Variants in ARL5B observed in about 807,000 individuals in gnomAD.
The protein encoded by ARL5B is ARF like GTPase 5B.
A neutral mutation model predicts 26.9 loss-of-function variants in ARL5B; 10 were observed. The observed-to-expected ratio is 0.37, with a 90% CI of 0.23 to 0.63. The LOEUF (loss-of-function observed/expected upper bound fraction) is 0.63, where lower values mean the gene tolerates loss of function less well. Among genes scored for constraint, ARL5B ranks in the 30% least tolerant of loss-of-function variants. The probability of loss-of-function intolerance (pLI) is 0.62; values close to 1 mark genes in which losing one functional copy is unlikely to be tolerated. For synonymous variants in ARL5B, 87 were observed against 70.4 expected (o/e 1.24, Z -1.18); for missense variants, 167 against 213.9 (o/e 0.78, Z 1.37).
chr10:18,665,958 C>T (rs2059859560), intron 1 of ARL5B, among the ~76,000 whole-genome samples: 2 of 152,262 alleles, frequency 1.3e-5, no homozygotes, highest in South Asian at 2.1e-4. Flanking sequence ...AAGAGATTTT[C>T]ATTGTACAAA....
chr10:18,680,732 T>C lies in ARL5B; in HGVS notation c.*5516T>C. 1 of 152,116 alleles carries C rather than the reference T, an allele frequency of 6.6e-6. No individual in the cohort carries two copies. The highest frequency in any genetic ancestry group is 1.9e-4 in the East Asian group (1 of 5,200). The allele number at this position is 152,116 out of a possible 1,614,324, so 9.4% of individuals were successfully genotyped here. A position where few individuals can be genotyped will look rare whatever the true frequency, so the allele number is the denominator to read the frequency against. ...ATAAAACGGTCATGATTTTTTTCAA[T>C]TACAGAATAGTTACAAATTTTACCA... is the stretch of plus-strand genomic sequence containing the variant. On this transcript the variant is annotated 3_prime_UTR_variant, in exon 6 of 6. Transcript: ENST00000377275.
intron 5 of ARL5B, among the ~76,000 whole-genome samples, chr10:18,674,683 T>G (rs1234821424): frequency 6.6e-6 from 1 of 152,218 alleles, no homozygotes; most frequent in Non-Finnish European, 1.5e-5. Context: ...ATTATCCTGT[T>G]TATATCAGAG....
At chr10:18,668,148 A>G (rs533717633) in intron 2 of ARL5B, among the ~76,000 whole-genome samples, 2 of 152,300 alleles carry the variant, frequency 1.3e-5, no homozygotes, top group East Asian at 3.9e-4. Flanking sequence ...CTGCTATCCA[A>G]TATTTGCTAT....
At chr10:18,663,694 G>A (rs1006489358) in intron 1 of ARL5B, among the ~76,000 whole-genome samples, 7 of 150,258 alleles carry the variant, frequency 4.7e-5, no homozygotes, top group Non-Finnish European at 1.0e-4. Context: ...GACTACAGGT[G>A]TCTGCCACCA....
At chr10:18,661,404 C>T (rs1012679734) in intron 1 of ARL5B, among the ~76,000 whole-genome samples, 3 of 152,094 alleles carry the variant, frequency 2.0e-5, no homozygotes, top group African/African-American at 7.2e-5. Flanking sequence ...GAAAGACATC[C>T]AGTGGCTACT....
At chr10:18,669,001 C>G (rs1297403795) in intron 3 of ARL5B, among the ~76,000 whole-genome samples, 1 of 152,080 alleles carries the variant, frequency 6.6e-6, no homozygotes, top group Admixed American at 6.6e-5. Flanking sequence ...GAATTCGGGA[C>G]CTCGTGATCC....
In ARL5B at chr10:18,674,089, G is replaced by A. The variant is rs777024389; in HGVS notation, c.445G>A (p.Asp149Asn). 4 of 1,613,038 alleles carry A rather than the reference G, an allele frequency of 2.5e-6. No individual in the cohort carries two copies. The highest frequency in any genetic ancestry group is 3.4e-6 in the Non-Finnish European group (4 of 1,179,470). The change falls in exon 5 of 6, where the codon GAT becomes AAT. Residue 149 changes from aspartate (D) to asparagine (N), a missense_variant. Transcript: ENST00000377275. ...ATACCTCACCCTTAGTTCAATTAAG[G>A]ATCATCCATGGCACATTCAATCCTG... ...SKYLTLSSIKDHPWHIQSCCA... is the reference protein window; with the variant it reads ...SKYLTLSSIKNHPWHIQSCCA...
chr10:18,666,673 A>G (rs530998092), intron 2 of ARL5B, 38 bp downstream of exon 2: 20 of 1,491,382 alleles, frequency 1.3e-5, no homozygotes, highest in South Asian at 1.1e-4. Flanking sequence ...TTCACTAGTT[A>G]TTGAAACTAA....
intron 3 of ARL5B, among the ~76,000 whole-genome samples, chr10:18,668,977 A>AAT (rs1205766268): frequency 6.6e-6 from 1 of 152,050 alleles, no homozygotes; most frequent in Admixed American, 6.6e-5. Flanking sequence ...CACCATATTG[A>AAT]TCAGGTTGGT....
chr10:18,672,286 A>C (rs768904373), intron 3 of ARL5B, among the ~76,000 whole-genome samples: 9 of 152,200 alleles, frequency 5.9e-5, no homozygotes, highest in Non-Finnish European at 8.8e-5. Context: ...AATATTATTG[A>C]AATTAGTGTA....
intron 1 of ARL5B, among the ~76,000 whole-genome samples, chr10:18,663,844 G>A (rs993648914): frequency 1.3e-5 from 2 of 151,946 alleles, no homozygotes; most frequent in South Asian, 2.1e-4. Flanking sequence ...TACTGCGCCC[G>A]GCCCCAGCTT....
intron 3 of ARL5B, among the ~76,000 whole-genome samples, chr10:18,668,985 G>T (rs1320489233): frequency 6.6e-6 from 1 of 152,026 alleles, no homozygotes; most frequent in Non-Finnish European, 1.5e-5. Context: ...TGATCAGGTT[G>T]GTCTTGAATT....
At position 18,678,532 on chromosome 10, in the gene ARL5B, T is replaced by G. The variant is rs905928950; in HGVS notation, c.*3316T>G. The G allele has an allele frequency of 9.9e-5, 15 of 151,888 alleles. No individual in the cohort carries two copies. Among genetic ancestry groups the G allele is most frequent in the African/African-American group, 2.9e-4 (12 of 41,440 alleles). 9.4% of individuals were successfully genotyped at this position (151,888 alleles called of 1,614,324 possible). On this transcript the variant is annotated 3_prime_UTR_variant, in exon 6 of 6. Coordinates refer to ENST00000377275, the MANE Select transcript of ARL5B (RefSeq NM_178815.5). ...TAGTGTAGTTTCTTAGAACAAATTA[T>G]AAACATAATCATTCTGAATAATCAA...
At chr10:18,659,954 A>G in intron 1 of ARL5B, 1 of 984,950 alleles carries the variant, frequency 1.0e-6, no homozygotes, top group South Asian at 4.7e-5. Flanking sequence ...AAAGCGGGAT[A>G]CAGCTAATGA....
chr10:18,664,356 G>A (rs999168567), intron 1 of ARL5B, among the ~76,000 whole-genome samples: 5 of 149,018 alleles, frequency 3.4e-5, no homozygotes, highest in Admixed American at 1.3e-4. Flanking sequence ...CAAAGTGTTG[G>A]AATTACAGGT....
intron 4 of ARL5B, 120 bp from the exon 5 acceptor site, chr10:18,673,864 T>C: frequency 1.3e-6 from 1 of 793,578 alleles, no homozygotes; most frequent in Non-Finnish European, 1.7e-6. Context: ...TGAGATTATT[T>C]TTATGTTAAA....
intron 1 of ARL5B, among the ~76,000 whole-genome samples, chr10:18,662,992 T>G (rs912750283): frequency 6.6e-6 from 1 of 151,646 alleles, no homozygotes; most frequent in African/African-American, 2.4e-5. Context: ...CGTGAACCAC[T>G]ATGCCTGGCC....
At chr10:18,668,085 T>A (rs546755491) in intron 2 of ARL5B, among the ~76,000 whole-genome samples, 1 of 152,208 alleles carries the variant, frequency 6.6e-6, no homozygotes, top group Non-Finnish European at 1.5e-5. Context: ...TATGCCTGAA[T>A]TAATTTTTGT....
intron 2 of ARL5B, among the ~76,000 whole-genome samples, chr10:18,667,310 C>A (rs934403884): frequency 1.3e-5 from 2 of 152,170 alleles, no homozygotes; most frequent in African/African-American, 4.8e-5. Context: ...AGAAGACAGC[C>A]ATCAGCTCAC....
Sources: allele counts gnomAD v4.1 joint callset (sites outside exome capture counted in the v4.1 genomes callset), GRCh38; gene constraint gnomAD v4.1.1; transcripts MANE v1.5; gene names NCBI Gene and HGNC (gene_info 2026-07-23, HGNC 2026-07-21).